The following CERS2 variants were observed in gnomAD, a reference collection of about 807,000 sequenced individuals.
The protein encoded by CERS2 is LAG1 homolog, ceramide synthase 2.
Under a neutral mutation model 56.6 loss-of-function variants are expected in CERS2, and 20 were observed. That is an observed-to-expected ratio of 0.35 (90% CI 0.25 to 0.51). CERS2 has a LOEUF of 0.51. Ranked by LOEUF, CERS2 falls within the 20% of genes least tolerant of loss-of-function variation. The pLI, the probability that CERS2 is intolerant of heterozygous loss-of-function variation, is 0.96. For synonymous variants in CERS2, 187 were observed against 175.4 expected (o/e 1.07, Z -0.52); for missense variants, 361 against 488.6 (o/e 0.74, Z 2.46).
At chr1:150,971,135 C>G (rs968888633) in intron 1 of CERS2, among the ~76,000 whole-genome samples, 2 of 152,228 alleles carry the variant, frequency 1.3e-5, no homozygotes, top group Admixed American at 1.3e-4. Flanking sequence ...ATGACCATGA[C>G]AGTCTTTTCC....
intron 2 of CERS2, 128 bp from the exon 3 acceptor site, chr1:150,968,640 C>A: frequency 1.3e-6 from 1 of 785,084 alleles, no homozygotes; most frequent in South Asian, 1.6e-5. Flanking sequence ...GCCTCCAGGG[C>A]TGCCCACAGC....
chr1:150,971,255 CCA>C (rs1671173912), intron 1 of CERS2, among the ~76,000 whole-genome samples: 1 of 152,182 alleles, frequency 6.6e-6, no homozygotes, highest in Non-Finnish European at 1.5e-5. Flanking sequence ...AAATTGTTAT[CCA>C]CAGTGACCTG....
At chr1:150,967,580 ATCCC>A in intron 6 of CERS2, 80 bp downstream of exon 6, 1 of 1,452,088 alleles carries the variant, frequency 6.9e-7, no homozygotes, top group East Asian at 2.3e-5. Context: ...CATCACTCTA[ATCCC>A]TCTGCCATGG....
At chr1:150,972,619 AAC>A (rs1028559120) in intron 1 of CERS2, among the ~76,000 whole-genome samples, 1 of 152,178 alleles carries the variant, frequency 6.6e-6, no homozygotes, top group Middle Eastern at 3.2e-3. Context: ...CACATCTAGA[AAC>A]ACTTTTCCAC....
At chr1:150,971,339 C>CT (rs1671175697) in intron 1 of CERS2, among the ~76,000 whole-genome samples, 1 of 152,196 alleles carries the variant, frequency 6.6e-6, no homozygotes, top group South Asian at 2.1e-4. Context: ...CCTGCTGCTG[C>CT]TCTGACAGCT....
At position 150,966,778 on chromosome 1, in the gene CERS2, G is replaced by A. The variant is rs949301986; in HGVS notation, c.826C>T (p.Arg276Ter). The A allele has an allele frequency of 6.2e-7, 1 of 1,613,764 alleles. No individual in the cohort carries two copies. The highest frequency in any genetic ancestry group is 8.5e-7 in the Non-Finnish European group (1 of 1,179,696). The change falls in exon 9 of 11, where the codon CGA becomes TGA. Residue 276 changes from arginine to a stop codon, truncating the protein, a stop_gained. Transcript: ENST00000368954. LOFTEE classifies it high-confidence loss of function. Reference protein sequence around the residue: ...IVFAIVFIITRLVILPFWILH... With the variant: ...IVFAIVFIIT ...CACCAGAAGGGCAGGATGACCAGTCGGGTGATGATAAAAACAATGGCGAAG... is the reference window on the plus strand; with the variant it reads ...CACCAGAAGGGCAGGATGACCAGTCAGGTGATGATAAAAACAATGGCGAAG...
chr1:150,969,410 C>T (rs1558033346), intron 1 of CERS2: 2 of 251,194 alleles, frequency 8.0e-6, no homozygotes, highest in African/African-American at 2.2e-5. Flanking sequence ...CTCATCTCTA[C>T]TAAAAATACA....
At chr1:150,969,208 G>T in intron 1 of CERS2, 117 bp from the exon 2 acceptor site, 2 of 826,852 alleles carry the variant, frequency 2.4e-6, no homozygotes, top group South Asian at 1.7e-5. Context: ...TCGAACTCTA[G>T]ATCCCTATCC....
intron 1 of CERS2, among the ~76,000 whole-genome samples, chr1:150,972,908 G>A (rs970020622): frequency 1.3e-5 from 2 of 152,176 alleles, no homozygotes; most frequent in Non-Finnish European, 2.9e-5. Flanking sequence ...AGATCCAAAC[G>A]GCTGAGAAGG....
At chr1:150,971,404 C>T (rs958886142) in intron 1 of CERS2, among the ~76,000 whole-genome samples, 3 of 151,938 alleles carry the variant, frequency 2.0e-5, no homozygotes, top group Admixed American at 6.6e-5. Flanking sequence ...CAGCCTGTCA[C>T]GGGTCAGTAT....
chr1:150,966,280 T>A lies in CERS2; in HGVS notation c.1011A>T (p.Glu337Asp), dbSNP rs1425529929. ...AHKFITGKLV[E>D]DERSDREETE... ...TTTCTTCCCGGTCACTGCGTTCATC[T>A]TCTACCAGCTGTGGAAAAGGGACAA... Residue 337 changes from glutamate to aspartate, a missense_variant, in exon 11 of 11, where the codon GAA becomes GAT. Around this residue, in one of 3 missense-constraint regions of CERS2, gnomAD observed 122 missense variants for 151.9 expected, o/e 0.80. Transcript: ENST00000368954. 1.2e-6 allele frequency: 2 copies of A among 1,612,156 alleles called. No homozygotes were observed. Among genetic ancestry groups the A allele is most frequent in the Non-Finnish European group, 1.7e-6 (2 of 1,179,506 alleles).
intron 1 of CERS2, among the ~76,000 whole-genome samples, chr1:150,972,532 C>T (rs587721364): frequency 1.3e-5 from 2 of 152,368 alleles, no homozygotes; most frequent in Non-Finnish European, 2.9e-5. Flanking sequence ...GAAGTGTACA[C>T]ACGGTAAGGA....
rs587599921 is a variant in CERS2 at position 150,969,068 on chromosome 1, T to A, written c.23A>T (p.Tyr8Phe). Residue 8 changes from tyrosine (Y) to phenylalanine (F), a missense_variant, in exon 2 of 11, where the codon TAC becomes TTC. By Grantham distance (22) the Tyr-to-Phe change is conservative. Around this residue, in one of 3 missense-constraint regions of CERS2, gnomAD observed 236 missense variants for 309.2 expected, o/e 0.76. Transcript: ENST00000368954. The part of the protein sequence containing the change: MLQTLYD[Y>F]FWWERLWLPV... ...CAGCCACAGACGTTCCCACCAGAAG[T>A]AATCATACAAGGTCTGGAGCATCCT... The A allele has an allele frequency of 8.7e-6, 14 of 1,613,730 alleles. No individual in the cohort carries two copies. Among genetic ancestry groups the A allele is most frequent in the Middle Eastern group, 1.6e-4 (1 of 6,062 alleles).
At chr1:150,971,868 G>A (rs1671188311) in intron 1 of CERS2, 1 of 471,054 alleles carries the variant, frequency 2.1e-6, no homozygotes, top group African/African-American at 2.0e-5. Flanking sequence ...GTCTCTTGGA[G>A]CCCAACTTCT....
Position 150,974,733 on chromosome 1 carries a change from G to T in CERS2, c.-116C>A, listed in dbSNP as rs1027592486. ...CGCGCCTCTCCTCCCTCTTCCGCCC[G>T]CCCGCCGGCCCGCGCCCGCCCTCGC... On this transcript the variant is annotated 5_prime_UTR_variant, in exon 1 of 11. Transcript: ENST00000368954. 1 of 151,308 alleles carries T rather than the reference G, an allele frequency of 6.6e-6. No homozygotes were observed. Among genetic ancestry groups the T allele is most frequent in the Non-Finnish European group, 1.5e-5 (1 of 68,596 alleles). The allele number at this position is 151,308 out of a possible 1,614,324, so 9.4% of individuals were successfully genotyped here.
rs1671030849 is a variant in CERS2, at chr1:150,966,783, A to G, written c.821T>C (p.Ile274Thr). ...IFIVFAIVFI[I>T]TRLVILPFWI... ...GAAGGGCAGGATGACCAGTCGGGTG[A>G]TGATAAAAACAATGGCGAAGACGAT... is the stretch of plus-strand genomic sequence containing the variant. Residue 274 changes from isoleucine (I) to threonine (T), a missense_variant, in exon 9 of 11, where the codon ATC becomes ACC. This residue lies in a region of CERS2 where 122 missense variants were observed against 151.9 expected (regional missense o/e 0.80). Transcript: ENST00000368954. The G allele has an allele frequency of 2.5e-6, 4 of 1,614,004 alleles. No individual in the cohort carries two copies. Among genetic ancestry groups the G allele is most frequent in the Non-Finnish European group, 3.4e-6 (4 of 1,179,902 alleles).
At chr1:150,969,935 A>G (rs1264440698) in intron 1 of CERS2, among the ~76,000 whole-genome samples, 2 of 152,182 alleles carry the variant, frequency 1.3e-5, no homozygotes, top group Non-Finnish European at 2.9e-5. Flanking sequence ...AAGAAAAATT[A>G]AGAGACAGGG....
Position 150,966,761 on chromosome 1 carries a change from G to A in CERS2, c.843C>T (p.Pro281=), listed in dbSNP as rs751606327. The A allele has an allele frequency of 6.2e-7, 1 of 1,612,862 alleles. No homozygotes were observed. The highest frequency in any genetic ancestry group is 1.1e-5 in the South Asian group (1 of 91,052). ...VFIITRLVIL[P]FWILHCTLVY... ...TAGCCTAGCTGCCTACTCACCAGAAGGGCAGGATGACCAGTCGGGTGATGA... is the reference window on the plus strand; with the variant it reads ...TAGCCTAGCTGCCTACTCACCAGAAAGGCAGGATGACCAGTCGGGTGATGA... The change falls in exon 9 of 11, where the codon CCC becomes CCT. Residue 281 remains proline (P), a synonymous_variant. Coordinates refer to ENST00000368954, the MANE Select transcript of CERS2 (RefSeq NM_022075.5).
intron 1 of CERS2, chr1:150,969,313 T>C (rs1671118285): frequency 1.9e-6 from 1 of 522,838 alleles, no homozygotes; most frequent in Non-Finnish European, 3.4e-6. Flanking sequence ...TGATGGCTCA[T>C]GCCTGTGGTC....
Sources: gnomAD v4.1 joint callset for allele counts (sites outside exome capture counted in the v4.1 genomes callset) on GRCh38, gnomAD v4.1.1 for gene constraint, gnomAD v4.1.1 regional missense constraint, MANE v1.5 for transcripts, NCBI Gene and HGNC (gene_info 2026-07-23, HGNC 2026-07-21) for gene names.